WWOX: variants seen among roughly 807,000 people sequenced by gnomAD.
WWOX encodes the protein WW domain-containing oxidoreductase.
WWOX carries 69 observed loss-of-function variants against 46.2 expected under a neutral mutation model. That is an observed-to-expected ratio of 1.49 (90% confidence interval 1.23 to 1.82). The LOEUF is 1.82. Ranked by LOEUF, WWOX falls within the 40% of genes most tolerant of loss-of-function variation. The pLI, the probability that WWOX is intolerant of heterozygous loss-of-function variation, is 0.00. For missense variants in WWOX, 919 were observed against 542.6 expected (o/e 1.69, Z -6.89); for synonymous variants, 359 against 202.6 (o/e 1.77, Z -6.56).
intron 5 of WWOX, among the ~76,000 whole-genome samples, chr16:78,171,990 A>C (rs1761059544): frequency 1.3e-5 from 2 of 152,150 alleles, no homozygotes; most frequent in Admixed American, 1.3e-4. Context: ...TTATGTGTGA[A>C]ACCCATTGTG....
At chr16:78,327,114 C>T (rs539266674) in intron 5 of WWOX, among the ~76,000 whole-genome samples, 1 of 152,150 alleles carries the variant, frequency 6.6e-6, no homozygotes, top group Non-Finnish European at 1.5e-5. Flanking sequence ...TTTCAAGTCC[C>T]TAAGTGACCC....
intron 8 of WWOX, among the ~76,000 whole-genome samples, chr16:79,027,869 C>G (rs921498097): frequency 6.6e-6 from 1 of 151,806 alleles, no homozygotes; most frequent in African/African-American, 2.4e-5. Context: ...CAGCACGTGT[C>G]TTAGGCTTGG....
Position 78,272,771 on chromosome 16 carries a change from A to C in WWOX, c.516+108482A>C, listed in dbSNP as rs571152497. ...GCTAATAGTAATGATACTAGTAATAAAATCAGGATAATGCTGTTTTTAATT... is the reference window on the plus strand; with the variant it reads ...GCTAATAGTAATGATACTAGTAATACAATCAGGATAATGCTGTTTTTAATT... On this transcript the variant is annotated intron_variant, in intron 5 of 8. Coordinates refer to ENST00000566780, the MANE Select transcript of WWOX (RefSeq NM_016373.4). Among the ~76,000 whole-genome samples the C allele has an allele frequency of 2.6e-5, 4 of 152,134 alleles. No homozygotes were observed. In the East Asian group the frequency reaches 7.7e-4, roughly 29 times the overall value.
intron 6 of WWOX, among the ~76,000 whole-genome samples, chr16:78,420,055 A>G (rs1361793682): frequency 6.6e-6 from 1 of 152,218 alleles, no homozygotes; most frequent in Non-Finnish European, 1.5e-5. Flanking sequence ...GGAAATGCAA[A>G]TGAAAGCCAC....
intron 8 of WWOX, among the ~76,000 whole-genome samples, chr16:79,176,386 C>G (rs1000505093): frequency 3.9e-5 from 6 of 152,186 alleles, no homozygotes; most frequent in Non-Finnish European, 8.8e-5. Flanking sequence ...AGTCACATGG[C>G]TATCTCCCAC....
chr16:79,076,633 C>T (rs544000818), intron 8 of WWOX, among the ~76,000 whole-genome samples: 2 of 152,320 alleles, frequency 1.3e-5, no homozygotes, highest in Admixed American at 6.5e-5. Flanking sequence ...GTACCTACCA[C>T]AGCTAGGTAG....
chr16:79,169,793 C>T (rs2050665198), intron 8 of WWOX, among the ~76,000 whole-genome samples: 1 of 152,196 alleles, frequency 6.6e-6, no homozygotes, highest in Non-Finnish European at 1.5e-5. Flanking sequence ...TACCCTTTTC[C>T]TCCCCAGACG....
At chr16:78,265,820 T>G (rs1338734472) in intron 5 of WWOX, 1 of 152,202 alleles carries the variant, frequency 6.6e-6, no homozygotes, top group Non-Finnish European at 1.5e-5. Flanking sequence ...CTCAGTAAGT[T>G]ATTTGTCAAG....
At chr16:79,165,578 G>T (rs974967538) in intron 8 of WWOX, among the ~76,000 whole-genome samples, 4 of 152,184 alleles carry the variant, frequency 2.6e-5, no homozygotes, top group East Asian at 3.9e-4. Context: ...GTTGTATTCT[G>T]TTCCCTCTTT....
intron 8 of WWOX, among the ~76,000 whole-genome samples, chr16:78,797,229 G>A (rs982053671): frequency 3.9e-5 from 6 of 151,986 alleles, no homozygotes; most frequent in Non-Finnish European, 7.4e-5. Context: ...TCTGAATGAA[G>A]AGAACCTGCT....
chr16:78,678,755 C>A (rs745958568), intron 8 of WWOX, among the ~76,000 whole-genome samples: 1 of 152,016 alleles, frequency 6.6e-6, no homozygotes, highest in Non-Finnish European at 1.5e-5. Context: ...GGAAACTGAC[C>A]TTTTTTCAGA....
At chr16:78,298,738 C>G (rs544342598) in intron 5 of WWOX, among the ~76,000 whole-genome samples, 17 of 151,228 alleles carry the variant, frequency 1.1e-4, no homozygotes, top group African/African-American at 4.1e-4. Context: ...TTGTGGTGAG[C>G]CAAGATCGCA....
At chr16:78,752,316 C>T (rs1467777054) in intron 8 of WWOX, among the ~76,000 whole-genome samples, 1 of 152,220 alleles carries the variant, frequency 6.6e-6, no homozygotes, top group South Asian at 2.1e-4. Flanking sequence ...GACGGAGTCT[C>T]ACACTCTGTT....
chr16:78,241,601 G>A (rs1341548421), intron 5 of WWOX, among the ~76,000 whole-genome samples: 1 of 152,036 alleles, frequency 6.6e-6, no homozygotes, highest in Non-Finnish European at 1.5e-5. Flanking sequence ...ACCATGCCTG[G>A]CTAATTCTTT....
intron 8 of WWOX, among the ~76,000 whole-genome samples, chr16:78,686,472 C>T (rs1430792703): frequency 6.6e-6 from 1 of 151,192 alleles, no homozygotes; most frequent in Admixed American, 6.6e-5. Context: ...GATGGTGCCA[C>T]TGTACTCCAG....
At chr16:78,102,949 G>A (rs1386569488) in intron 1 of WWOX, among the ~76,000 whole-genome samples, 1 of 152,158 alleles carries the variant, frequency 6.6e-6, no homozygotes, top group Admixed American at 6.5e-5. Context: ...GGCTTCCTAA[G>A]CCCACCTCTG....
At chr16:78,432,141 C>G (rs183513040) in intron 7 of WWOX, among the ~76,000 whole-genome samples, 4 of 149,192 alleles carry the variant, frequency 2.7e-5, no homozygotes, top group Non-Finnish European at 5.9e-5. Flanking sequence ...TTTTTGAGAC[C>G]GAGTCTAGCT....
chr16:78,239,896 C>T (rs2037580117), intron 5 of WWOX, among the ~76,000 whole-genome samples: 1 of 152,070 alleles, frequency 6.6e-6, no homozygotes, highest in Admixed American at 6.6e-5. Context: ...GGAATGGGAC[C>T]AGGCACCTGT....
intron 8 of WWOX, among the ~76,000 whole-genome samples, chr16:78,751,461 T>TATATATATATA (rs1555528822): frequency 9.3e-5 from 12 of 128,436 alleles, no homozygotes; most frequent in African/African-American, 3.6e-4. Flanking sequence ...TTATCAGATT[T>TATATATATATA]TATATATATA....
Sources: allele counts gnomAD v4.1 joint callset (sites outside exome capture counted in the v4.1 genomes callset), GRCh38; gene constraint gnomAD v4.1.1; transcripts MANE v1.5; gene names NCBI Gene and HGNC (gene_info 2026-07-23, HGNC 2026-07-21).